Variants in B4GALNT3 observed in about 807,000 individuals in gnomAD.
B4GALNT3 encodes the protein beta-1,4-N-acetylgalactosaminyltransferase 3.
B4GALNT3 carries 86 observed loss-of-function variants against 120.2 expected under a neutral mutation model. The ratio of observed to expected loss-of-function variants is 0.72; its 90% CI spans 0.60 to 0.86. The LOEUF is 0.86. B4GALNT3 is among the 40% of genes least tolerant of loss of function. The pLI, the probability that B4GALNT3 is intolerant of heterozygous loss-of-function variation, is 0.00. For synonymous variants in B4GALNT3, 518 were observed against 510.4 expected, an observed-to-expected ratio of 1.01 and a Z score of -0.20; for missense variants, 1,167 against 1,298.9, an observed-to-expected ratio of 0.90 and a Z score of 1.56.
intron 19 of B4GALNT3, among the ~76,000 whole-genome samples, chr12:560,182 A>G (rs1213426721): frequency 1.3e-5 from 2 of 152,118 alleles, no homozygotes; most frequent in African/African-American, 2.4e-5. Context: ...GGAGCAAAGG[A>G]GAGGGGAGGG....
intron 3 of B4GALNT3, among the ~76,000 whole-genome samples, chr12:538,507 C>T (rs908927902): frequency 2.8e-5 from 4 of 142,046 alleles, no homozygotes; most frequent in African/African-American, 5.4e-5. Flanking sequence ...TTCAGTGAGC[C>T]GAGATTGTGC....
chr12:470,709 G>A (rs898759668), intron 1 of B4GALNT3, among the ~76,000 whole-genome samples: 7 of 152,048 alleles, frequency 4.6e-5, no homozygotes, highest in Non-Finnish European at 5.9e-5. Flanking sequence ...GGGAGAGACC[G>A]CTACCCCATT....
At position 548,955 on chromosome 12, in the gene B4GALNT3, A is replaced by T. The variant is rs768065243; in HGVS notation, c.853+658A>T. On this transcript the variant is annotated intron_variant, in intron 9 of 19. Transcript: ENST00000266383. This position sits in a 1 kb window ranked among gnomAD's most constrained non-coding sequence, Gnocchi z 4.9. ...ACCCTCTGAGCGAGTCCAATCCCCTATTTTCCAGATGAGGTAACCACGGTT... is the reference window on the plus strand; with the variant it reads ...ACCCTCTGAGCGAGTCCAATCCCCTTTTTTCCAGATGAGGTAACCACGGTT... 5.3e-5 allele frequency among the ~76,000 whole-genome samples: 8 copies of T among 152,078 alleles called. No individual in the cohort carries two copies. The highest frequency in any genetic ancestry group is 1.9e-4 in the African/African-American group (8 of 41,386).
Position 546,669 on chromosome 12 carries a change from G to T in B4GALNT3, c.663G>T (p.Pro221=), listed in dbSNP as rs1299309875. The change falls in exon 7 of 20, where the codon CCG becomes CCT. Residue 221 remains proline, a synonymous_variant. Coordinates refer to ENST00000266383, the MANE Select transcript of B4GALNT3 (RefSeq NM_173593.4). ...AGACTGGAAAGGAGTGGACCGCCCC[G>T]GGAGAGTTTGGGAAATTTCGGAGCC... ...VGKTGKEWTA[P]GEFGKFRSQI... is the part of the protein sequence containing the mutation. The T allele has an allele frequency of 6.4e-7, 1 of 1,551,416 alleles. No individual in the cohort carries two copies. The highest frequency in any genetic ancestry group is 1.4e-5 in the African/African-American group (1 of 73,034).
intron 1 of B4GALNT3, among the ~76,000 whole-genome samples, chr12:517,167 C>T (rs888262303): frequency 1.3e-5 from 2 of 152,154 alleles, no homozygotes; most frequent in African/African-American, 4.8e-5. Context: ...GGGAAGTCAT[C>T]AATGTACAGA....
At chr12:494,857 G>T (rs1946374472) in intron 1 of B4GALNT3, among the ~76,000 whole-genome samples, 1 of 152,112 alleles carries the variant, frequency 6.6e-6, no homozygotes, top group Non-Finnish European at 1.5e-5. Flanking sequence ...TTTGATAACA[G>T]AATCATTAAT....
chr12:555,846 G>A (rs1362004941), intron 14 of B4GALNT3, among the ~76,000 whole-genome samples: 5 of 151,716 alleles, frequency 3.3e-5, no homozygotes, highest in South Asian at 2.1e-4. Context: ...GTGCAGTGGC[G>A]CGATCTCGAC....
In B4GALNT3 at chr12:460,761, C is replaced by G. The variant is rs577345558; in HGVS notation, c.169+216C>G. Among the ~76,000 whole-genome samples the G allele has an allele frequency of 1.2e-3, 185 of 152,238 alleles. 1 individual carries two copies. The highest frequency in any genetic ancestry group is 3.8e-3 in the African/African-American group (156 of 41,568). On this transcript the variant is annotated intron_variant, in intron 1 of 19. Coordinates refer to ENST00000266383, the MANE Select transcript of B4GALNT3 (RefSeq NM_173593.4). This position sits in a 1 kb window ranked among gnomAD's most constrained non-coding sequence, Gnocchi z 8.0. The stretch of plus-strand genomic sequence containing the variant: ...AATTCCCGAGCCCGGGCCTGCCCGC[C>G]GGCCACGTGGGTCCGGGGCACCCTG...
At chr12:495,916 C>T (rs749624984) in intron 1 of B4GALNT3, among the ~76,000 whole-genome samples, 2 of 152,108 alleles carry the variant, frequency 1.3e-5, no homozygotes, top group Non-Finnish European at 2.9e-5. Context: ...GAAAAGTTTA[C>T]ATGTATTAAA....
intron 1 of B4GALNT3, among the ~76,000 whole-genome samples, chr12:504,045 A>G (rs1379133762): frequency 2.0e-5 from 3 of 151,884 alleles, no homozygotes; most frequent in Admixed American, 6.6e-5. Flanking sequence ...AACCTCGGAG[A>G]CAGAGGTTAC....
intron 18 of B4GALNT3, 141 bp from the exon 19 acceptor site, chr12:559,153 GT>G (rs1215932026): frequency 8.9e-7 from 1 of 1,120,524 alleles, no homozygotes; most frequent in Non-Finnish European, 1.3e-6. Flanking sequence ...CAAAGTACTT[GT>G]TCAGCTAAGA....
At chr12:534,876 C>T (rs781749132) in intron 1 of B4GALNT3, among the ~76,000 whole-genome samples, 21 of 152,208 alleles carry the variant, frequency 1.4e-4, no homozygotes, top group Non-Finnish European at 2.5e-4. Context: ...CGGGGGAGAA[C>T]GAGCTGGTAG....
intron 1 of B4GALNT3, among the ~76,000 whole-genome samples, chr12:480,059 G>A (rs953321976): frequency 1.7e-4 from 26 of 151,824 alleles, no homozygotes; most frequent in Non-Finnish European, 3.7e-4. Flanking sequence ...GACTACAGGC[G>A]CTCGCCACCA....
In B4GALNT3 at chr12:553,926, A is replaced by G; in HGVS notation, c.2003A>G (p.Gln668Arg). The G allele has an allele frequency of 6.2e-7, 1 of 1,613,698 alleles. No individual in the cohort carries two copies. ...TCTGGCAACCTGCTGCTTCCAGAGC[A>G]GGAAGCTCTGGAGGTCACGCGAGTC... ...NTSGNLLLPEQEALEVTRVFL... is the reference protein window; with the variant it reads ...NTSGNLLLPEREALEVTRVFL... Residue 668 changes from glutamine (Q) to arginine (R), a missense_variant, in exon 14 of 20, where the codon CAG becomes CGG. By Grantham distance (43) the Gln-to-Arg change is conservative. Around this residue, in one of 3 missense-constraint regions of B4GALNT3, gnomAD observed 983 missense variants for 1,102.5 expected, o/e 0.89. Transcript: ENST00000266383.
At chr12:523,660 A>G (rs956603924) in intron 1 of B4GALNT3, among the ~76,000 whole-genome samples, 2 of 152,238 alleles carry the variant, frequency 1.3e-5, no homozygotes, top group African/African-American at 2.4e-5. Context: ...AAACAAATTA[A>G]TTAACTTTTC....
At chr12:554,089 A>G (rs1947117001) in intron 14 of B4GALNT3, 106 bp downstream of exon 14, 3 of 758,756 alleles carry the variant, frequency 4.0e-6, no homozygotes, top group Non-Finnish European at 6.3e-6. Context: ...CAGCCGCGGA[A>G]ATAGCTGGAA....
intron 6 of B4GALNT3, among the ~76,000 whole-genome samples, chr12:545,702 T>TGTGGGGAGGAGC (rs1565608139): frequency 1.1e-4 from 7 of 63,044 alleles, no homozygotes; most frequent in South Asian, 5.5e-4. Flanking sequence ...TGGGGAGGAG[T>TGTGGGGAGGAGC]GAGGAATGGG....
At chr12:555,150 C>CCTGT (rs1947137104) in intron 14 of B4GALNT3, 1 of 312,942 alleles carries the variant, frequency 3.2e-6, no homozygotes, top group Non-Finnish European at 6.4e-6. Flanking sequence ...TGCACTCCAG[C>CCTGT]CTGGGCGACA....
chr12:490,358 A>G (rs1339404356), intron 1 of B4GALNT3, among the ~76,000 whole-genome samples: 2 of 151,918 alleles, frequency 1.3e-5, no homozygotes, highest in Non-Finnish European at 2.9e-5. Context: ...AGCCATGCTA[A>G]CTAAGAAAAA....
Sources: allele counts gnomAD v4.1 joint callset (sites outside exome capture counted in the v4.1 genomes callset), GRCh38; gene constraint gnomAD v4.1.1; regional missense constraint gnomAD v4.1.1; non-coding constraint Gnocchi (gnomAD v3.1); transcripts MANE v1.5; gene names NCBI Gene and HGNC (gene_info 2026-07-23, HGNC 2026-07-21).